SCYL3: variants seen among roughly 807,000 people sequenced by gnomAD.
SCYL3 encodes the protein protein-associating with the carboxyl-terminal domain of ezrin.
A neutral mutation model predicts 73.8 loss-of-function variants in SCYL3; 35 were observed. That is an observed-to-expected ratio of 0.47 (90% CI 0.36 to 0.63). The LOEUF (loss-of-function observed/expected upper bound fraction) is 0.63. Among genes scored for constraint, SCYL3 ranks in the 20% least tolerant of loss-of-function variants. SCYL3 has a pLI of 0.00. For synonymous variants in SCYL3, 277 were observed against 295.2 expected (o/e 0.94, Z 0.63); for missense variants, 712 against 798.9 (o/e 0.89, Z 1.31).
At chr1:169,859,645 C>T (rs1271959911) in intron 10 of SCYL3, 1 of 153,194 alleles carries the variant, frequency 6.5e-6, no homozygotes, top group Non-Finnish European at 1.5e-5. Context: ...CAGCTCTTTT[C>T]AAGGGTAGGA....
intron 7 of SCYL3, 115 bp from the exon 8 acceptor site, chr1:169,867,088 C>T (rs1322156546): frequency 1.1e-5 from 7 of 616,548 alleles, no homozygotes; most frequent in Non-Finnish European, 2.0e-5. Context: ...TTCTCCTTTG[C>T]CATTTAAAGA....
chr1:169,849,849 T>G lies in SCYL3; in HGVS notation c.*3864A>C, dbSNP rs944011894. On this transcript the variant is annotated 3_prime_UTR_variant, in exon 13 of 13. Coordinates refer to ENST00000367771, the MANE Select transcript of SCYL3 (RefSeq NM_020423.7). Reference sequence around the variant, plus strand: ...CAGGCATACACAGCAGGCCTACTGATACAGACAGACACAGACACAGTCTTC... The same window carrying G: ...CAGGCATACACAGCAGGCCTACTGAGACAGACAGACACAGACACAGTCTTC... 1.9e-6 allele frequency: 1 copy of G among 515,966 alleles called. No homozygotes were observed. The highest frequency in any genetic ancestry group is 1.9e-5 in the African/African-American group (1 of 52,366). The allele number at this position is 515,966 out of a possible 1,614,324, so 32.0% of individuals were successfully genotyped here. A position where few individuals can be genotyped will look rare whatever the true frequency, so the allele number is the denominator to read the frequency against.
intron 5 of SCYL3, among the ~76,000 whole-genome samples, chr1:169,871,589 G>A (rs749118296): frequency 3.9e-5 from 6 of 152,208 alleles, no homozygotes; most frequent in Admixed American, 3.9e-4. Flanking sequence ...CTTTGGAACT[G>A]GGTAACTGGC....
chr1:169,850,383 C>CTATT lies in SCYL3; in HGVS notation c.*3326_*3329dup. The CTATT allele has an allele frequency of 6.9e-7, 1 of 1,443,894 alleles. No individual in the cohort carries two copies. Among genetic ancestry groups the CTATT allele is most frequent in the Non-Finnish European group, 9.5e-7 (1 of 1,047,842 alleles). The allele number at this position is 1,443,894 out of a possible 1,614,324, so 89.4% of individuals were successfully genotyped here. ...CATGGCTCATGTTTTATTCTTTGTC[C>CTATT]TATTTTTTTTTTTCCGAAATTATGT... On this transcript the variant is annotated 3_prime_UTR_variant, in exon 13 of 13. Coordinates refer to ENST00000367771, the MANE Select transcript of SCYL3 (RefSeq NM_020423.7).
At chr1:169,893,484 C>A (rs1424634391) in intron 1 of SCYL3, among the ~76,000 whole-genome samples, 1 of 152,140 alleles carries the variant, frequency 6.6e-6, no homozygotes, top group African/African-American at 2.4e-5. Flanking sequence ...ACCTTCCACA[C>A]CTCCCTGCGA....
Position 169,878,631 on chromosome 1 carries a change from T to C in SCYL3, c.351+3A>G. 1 of 1,609,658 alleles carries C rather than the reference T, an allele frequency of 6.2e-7. No homozygotes were observed. The highest frequency in any genetic ancestry group is 8.5e-7 in the Non-Finnish European group (1 of 1,178,076). ...TGTGATGCAGACTATACAGGTTACT[T>C]ACTCTGTCATGAAGGAAGATAAGAG... On this transcript the variant is annotated splice_donor_region_variant and intron_variant, in intron 3 of 12. Coordinates refer to ENST00000367771, the MANE Select transcript of SCYL3 (RefSeq NM_020423.7).
Position 169,878,695 on chromosome 1 carries a change from G to C in SCYL3, c.290C>G (p.Ser97Cys). 1.9e-6 allele frequency: 3 copies of C among 1,614,118 alleles called. No homozygotes were observed. The highest frequency in any genetic ancestry group is 2.5e-6 in the Non-Finnish European group (3 of 1,179,958). ...ATAGATCCCAGCACAGACCTCTGCA[G>C]AAGACAATGTTTCCAAAGCCACTTC... ...PLEVALETLS[S>C]AEVCAGIYDI... Residue 97 changes from serine (S) to cysteine (C), a missense_variant, in exon 3 of 13, where the codon TCT (serine) becomes TGT (cysteine). By Grantham distance (112) the Ser-to-Cys change is moderately radical. Coordinates refer to ENST00000367771, the MANE Select transcript of SCYL3 (RefSeq NM_020423.7).
Position 169,891,870 on chromosome 1 carries a change from A to AT in SCYL3, c.-51+1917dup, listed in dbSNP as rs1180071865. 2.6e-5 allele frequency among the ~76,000 whole-genome samples: 4 copies of AT among 152,234 alleles called. 1 individual carries two copies. The highest frequency in any genetic ancestry group is 2.6e-4 in the Admixed American group (4 of 15,288). On this transcript the variant is annotated intron_variant, in intron 1 of 12. Transcript: ENST00000367771. ...GCCTTGCAATAGCTATTAACCTTAG[A>AT]TTTCATATGAATTCCACTATAATTA...
chr1:169,858,967 C>T, intron 11 of SCYL3, 74 bp downstream of exon 11: 1 of 1,310,518 alleles, frequency 7.6e-7, no homozygotes, highest in African/African-American at 1.5e-5. Context: ...ATATGACCCT[C>T]CTACATTACT....
Position 169,853,723 on chromosome 1 carries a change from T to C in SCYL3, c.2057A>G (p.Asn686Ser), listed in dbSNP as rs749352424. 3.7e-6 allele frequency: 6 copies of C among 1,613,786 alleles called. No individual in the cohort carries two copies. The highest frequency in any genetic ancestry group is 5.1e-6 in the Non-Finnish European group (6 of 1,179,816). Residue 686 changes from asparagine to serine, a missense_variant, in exon 13 of 13, where the codon AAT (asparagine) becomes AGT (serine). Asn to Ser is a conservative substitution (Grantham distance 46). This residue lies in a region of SCYL3 where 370 missense variants were observed against 350.8 expected (regional missense o/e 1.05). Transcript: ENST00000367771. ...AACTCACATCTATTGTCACCAGTTATTATCTTCCCAGTTCAGCTCCCCTTC... is the reference window on the plus strand; with the variant it reads ...AACTCACATCTATTGTCACCAGTTACTATCTTCCCAGTTCAGCTCCCCTTC... ...EEEGELNWED[N>S]NW
rs1470641311 is a variant in SCYL3 at position 169,878,650 on chromosome 1, A to G, written c.335T>C (p.Ile112Thr). The G allele has an allele frequency of 1.2e-6, 2 of 1,612,602 alleles. No individual in the cohort carries two copies. Among genetic ancestry groups the G allele is most frequent in the Admixed American group, 1.7e-5 (1 of 59,624 alleles). The stretch of plus-strand genomic sequence containing the variant: ...GTTACTTACTCTGTCATGAAGGAAG[A>G]TAAGAGCCAGCAATATGTCATAGAT... The part of the protein sequence containing the change: ...AGIYDILLAL[I>T]FLHDRGHLTH... The change falls in exon 3 of 13, where the codon ATC becomes ACC. Residue 112 changes from isoleucine to threonine, a missense_variant. Coordinates refer to ENST00000367771, the MANE Select transcript of SCYL3 (RefSeq NM_020423.7).
At chr1:169,891,671 A>T (rs1026889214) in intron 1 of SCYL3, among the ~76,000 whole-genome samples, 6 of 152,244 alleles carry the variant, frequency 3.9e-5, no homozygotes, top group African/African-American at 1.2e-4. Context: ...CTTCGCAGGA[A>T]ATCATGCTGT....
intron 6 of SCYL3, 149 bp from the exon 7 acceptor site, chr1:169,869,188 A>C: frequency 1.6e-6 from 1 of 618,104 alleles, no homozygotes; most frequent in Non-Finnish European, 2.9e-6. Context: ...TGCTTGCCTT[A>C]GGCAAAACTC....
chr1:169,851,945 T>C lies in SCYL3; in HGVS notation c.*1768A>G. The C allele has an allele frequency of 6.2e-7, 1 of 1,614,018 alleles. No homozygotes were observed. The highest frequency in any genetic ancestry group is 1.1e-5 in the South Asian group (1 of 91,072). ...AGAGGTCATCTTTACAGGTATGGGC[T>C]GATTTCAATAGGGGCCAAACTTTAA... On this transcript the variant is annotated 3_prime_UTR_variant, in exon 13 of 13. Coordinates refer to ENST00000367771, the MANE Select transcript of SCYL3 (RefSeq NM_020423.7).
At chr1:169,888,652 T>G (rs774306142) in intron 2 of SCYL3, 24 bp downstream of exon 2, 2 of 1,593,478 alleles carry the variant, frequency 1.3e-6, no homozygotes, top group Non-Finnish European at 1.7e-6. Context: ...GTACTAACTA[T>G]TAAGTCGTCA....
chr1:169,850,275 A>G lies in SCYL3; in HGVS notation c.*3438T>C. 6.2e-7 allele frequency: 1 copy of G among 1,608,360 alleles called. No homozygotes were observed. The highest frequency in any genetic ancestry group is 1.3e-5 in the African/African-American group (1 of 74,840). ...TCAATTTTTTAATAGGGAACAAATC[A>G]TGAAGAGATAGTTCCACAGTGTCTC... On this transcript the variant is annotated 3_prime_UTR_variant, in exon 13 of 13. Transcript: ENST00000367771.
intron 1 of SCYL3, among the ~76,000 whole-genome samples, chr1:169,892,669 A>C (rs565646271): frequency 1.3e-5 from 2 of 152,326 alleles, no homozygotes; most frequent in Admixed American, 6.5e-5. Context: ...TCTGACTTGA[A>C]TATGCATCAG....
At position 169,870,310 on chromosome 1, in the gene SCYL3, A is replaced by G; in HGVS notation, c.570T>C (p.Asp190=). 1 of 1,613,796 alleles carries G rather than the reference A, an allele frequency of 6.2e-7. No homozygotes were observed. Among genetic ancestry groups the G allele is most frequent in the Non-Finnish European group, 8.5e-7 (1 of 1,179,858 alleles). Reference sequence around the variant, plus strand: ...CCACCAATGTTCCAAATGAAAAGGCATCCCGGGCATGTCCATGACACTCTG... The same window carrying G: ...CCACCAATGTTCCAAATGAAAAGGCGTCCCGGGCATGTCCATGACACTCTG... ...TLPECHGHAR[D]AFSFGTLVES... The change falls in exon 6 of 13, where the codon GAT becomes GAC. Residue 190 remains aspartate, a synonymous_variant. Transcript: ENST00000367771.
In SCYL3 at chr1:169,869,019, T is replaced by C. The variant is rs1394196885; in HGVS notation, c.646A>G (p.Ser216Gly). 1 of 1,614,112 alleles carries C rather than the reference T, an allele frequency of 6.2e-7. No individual in the cohort carries two copies. Among genetic ancestry groups the C allele is most frequent in the Non-Finnish European group, 8.5e-7 (1 of 1,179,938 alleles). The change falls in exon 7 of 13, where the codon AGC becomes GGC. Residue 216 changes from serine (S) to glycine (G), a missense_variant. By Grantham distance (56) the Ser-to-Gly change is moderately conservative. Around this residue, in one of 2 missense-constraint regions of SCYL3, gnomAD observed 342 missense variants for 448.1 expected, o/e 0.76. Coordinates refer to ENST00000367771, the MANE Select transcript of SCYL3 (RefSeq NM_020423.7). ...GTTGAGTGCAAGGTCTGTTGAAAGC[T>C]GGAGAGAACATCCGCTGAAACTGAA... ...NEQVSADVLSSFQQTLHSTLL... is the reference protein window; with the variant it reads ...NEQVSADVLSGFQQTLHSTLL...
Sources: gnomAD v4.1 joint callset for allele counts (sites outside exome capture counted in the v4.1 genomes callset) on GRCh38, gnomAD v4.1.1 for gene constraint, gnomAD v4.1.1 regional missense constraint, MANE v1.5 for transcripts, NCBI Gene and HGNC (gene_info 2026-07-23, HGNC 2026-07-21) for gene names.